The following AP4E1 variants were observed in gnomAD, a reference collection of about 807,000 sequenced individuals.
AP4E1 encodes AP-4 complex subunit epsilon-1.
Under a neutral mutation model 128.2 loss-of-function variants are expected in AP4E1, and 56 were observed. The observed-to-expected ratio is 0.44, with a 90% confidence interval of 0.35 to 0.55. AP4E1 has a LOEUF of 0.55. Among genes scored for constraint, AP4E1 ranks in the 20% least tolerant of loss-of-function variants. AP4E1 has a pLI of 0.00. For missense variants in AP4E1, 1,324 were observed against 1,307.7 expected (o/e 1.01, Z -0.19); for synonymous variants, 484 against 473.1 (o/e 1.02, Z -0.30).
intron 16 of AP4E1, among the ~76,000 whole-genome samples, chr15:50,991,388 A>G (rs1488860080): frequency 1.3e-5 from 2 of 152,210 alleles, no homozygotes; most frequent in Non-Finnish European, 1.5e-5. Context: ...TACAGATACT[A>G]TAATACTATT....
chr15:50,979,312 G>A (rs1044428790), intron 15 of AP4E1, among the ~76,000 whole-genome samples: 3 of 152,126 alleles, frequency 2.0e-5, no homozygotes, highest in Non-Finnish European at 4.4e-5. Context: ...ACTGTAAAAA[G>A]CTGATCAGGC....
intron 20 of AP4E1, among the ~76,000 whole-genome samples, chr15:51,001,800 C>T (rs567778640): frequency 6.6e-6 from 1 of 152,266 alleles, no homozygotes; most frequent in Admixed American, 6.5e-5. Context: ...TATACAAATA[C>T]CTGTTTGTGT....
At chr15:50,912,681 G>A (rs1459308099) in intron 2 of AP4E1, among the ~76,000 whole-genome samples, 4 of 146,670 alleles carry the variant, frequency 2.7e-5, no homozygotes, top group South Asian at 2.1e-4. Flanking sequence ...TTTTTGAGAC[G>A]GAGTCTCGCT....
At chr15:50,930,467 T>C (rs1225047090) in intron 6 of AP4E1, among the ~76,000 whole-genome samples, 4 of 151,404 alleles carry the variant, frequency 2.6e-5, no homozygotes, top group Non-Finnish European at 5.9e-5. Flanking sequence ...GGTATTACTG[T>C]CCTTTTGCAG....
chr15:50,998,760 T>G (rs1421514785), intron 18 of AP4E1, among the ~76,000 whole-genome samples: 1 of 152,228 alleles, frequency 6.6e-6, no homozygotes, highest in East Asian at 1.9e-4. Flanking sequence ...TATATTTATA[T>G]TTAAATTCTT....
intron 3 of AP4E1, among the ~76,000 whole-genome samples, chr15:50,920,335 G>T (rs1487172795): frequency 8.6e-5 from 13 of 150,812 alleles, no homozygotes; most frequent in Admixed American, 5.3e-4. Context: ...GGATGGTCTC[G>T]ATCTCCTGAC....
intron 7 of AP4E1, among the ~76,000 whole-genome samples, chr15:50,934,342 T>C (rs1226555555): frequency 6.6e-6 from 1 of 152,114 alleles, no homozygotes; most frequent in African/African-American, 2.4e-5. Flanking sequence ...TATAGTATGT[T>C]CAACCAAATA....
intron 2 of AP4E1, among the ~76,000 whole-genome samples, chr15:50,912,902 G>A (rs1289230641): frequency 6.6e-6 from 1 of 152,032 alleles, no homozygotes; most frequent in African/African-American, 2.4e-5. Flanking sequence ...GACCTCAAGC[G>A]ATCCACCCAC....
At chr15:50,979,388 G>C (rs1411859692) in intron 15 of AP4E1, among the ~76,000 whole-genome samples, 1 of 152,220 alleles carries the variant, frequency 6.6e-6, no homozygotes, top group African/African-American at 2.4e-5. Flanking sequence ...TTACAAGAGT[G>C]AGTTTGGCCC....
rs760908528 is a variant in AP4E1, at chr15:50,984,159, T to A, written c.2090+14T>A. The A allele has an allele frequency of 4.3e-5, 69 of 1,612,610 alleles. No individual in the cohort carries two copies. The highest frequency in any genetic ancestry group is 5.7e-5 in the Non-Finnish European group (67 of 1,178,988). The stretch of plus-strand genomic sequence containing the variant: ...AGGACTGAAAGAGTAAGTTCATTTC[T>A]TATTAAAATTGAGGTTATGGGAGTG... On this transcript the variant is annotated intron_variant, in intron 16 of 20. Coordinates refer to ENST00000261842, the MANE Select transcript of AP4E1 (RefSeq NM_007347.5).
Position 50,958,598 on chromosome 15 carries a change from C to A in AP4E1, c.1655C>A (p.Ala552Asp), listed in dbSNP as rs776021774. Residue 552 changes from alanine to aspartate, a missense_variant, in exon 14 of 21, where the codon GCC becomes GAC. Transcript: ENST00000261842. ...GACTCTGTGTCTTCAGAAACAAAAG[C>A]CTGGTTAATTGCTGCTGTGACCAAA... ...MNDSVSSETK[A>D]WLIAAVTKLT... is the part of the protein sequence containing the mutation. The A allele has an allele frequency of 2.5e-6, 4 of 1,614,006 alleles. No homozygotes were observed. The highest frequency in any genetic ancestry group is 8.5e-7 in the Non-Finnish European group (1 of 1,180,026).
intron 16 of AP4E1, among the ~76,000 whole-genome samples, chr15:50,988,819 C>G (rs1033380936): frequency 1.3e-5 from 2 of 152,128 alleles, no homozygotes; most frequent in African/African-American, 4.8e-5. Flanking sequence ...CCTATGGAAG[C>G]TGTATACTTT....
At chr15:50,960,719 C>T (rs559411286) in intron 14 of AP4E1, among the ~76,000 whole-genome samples, 10 of 150,838 alleles carry the variant, frequency 6.6e-5, no homozygotes, top group Non-Finnish European at 8.9e-5. Flanking sequence ...GCACCTCAAG[C>T]GACTAGAAAG....
intron 14 of AP4E1, among the ~76,000 whole-genome samples, chr15:50,964,243 C>T (rs200782327): frequency 9.8e-4 from 149 of 152,218 alleles, no homozygotes; most frequent in Non-Finnish European, 1.7e-3. Context: ...AATTTGGAGT[C>T]TCAGTCTATT....
At chr15:50,958,874 AAT>A (rs2064271052) in intron 14 of AP4E1, 80 bp downstream of exon 14, 8 of 1,394,804 alleles carry the variant, frequency 5.7e-6, no homozygotes, top group Non-Finnish European at 5.1e-6. Flanking sequence ...ACATATCAGG[AAT>A]ATATCAAAAT....
chr15:50,977,439 A>G (rs1346069771), intron 15 of AP4E1, among the ~76,000 whole-genome samples: 1 of 152,124 alleles, frequency 6.6e-6, no homozygotes, highest in African/African-American at 2.4e-5. Flanking sequence ...TAAACGCTCA[A>G]ACTAGATTCT....
chr15:50,986,849 T>G (rs2064732542), intron 16 of AP4E1, among the ~76,000 whole-genome samples: 1 of 152,196 alleles, frequency 6.6e-6, no homozygotes, highest in Non-Finnish European at 1.5e-5. Context: ...GATTCCCTCT[T>G]TTTCTATTGA....
At chr15:50,934,747 T>TC in intron 8 of AP4E1, 50 bp downstream of exon 8, 1 of 1,228,410 alleles carries the variant, frequency 8.1e-7, no homozygotes, top group South Asian at 1.2e-5. Flanking sequence ...TGTTTTTTAG[T>TC]ATTGCAGTTA....
chr15:50,907,587 G>A (rs530378773), upstream of AP4E1, among the ~76,000 whole-genome samples: 14 of 152,188 alleles, frequency 9.2e-5, no homozygotes, highest in South Asian at 2.7e-3. Flanking sequence ...ATTAATCTCT[G>A]AAAACGCACG....
Sources: gnomAD v4.1 joint callset for allele counts (sites outside exome capture counted in the v4.1 genomes callset) on GRCh38, gnomAD v4.1.1 for gene constraint, MANE v1.5 for transcripts, NCBI Gene and HGNC (gene_info 2026-07-23, HGNC 2026-07-21) for gene names.